The following EYS variants were observed in gnomAD, a reference collection of about 807,000 sequenced individuals.
EYS encodes EGF-like photoreceptor maintenance factor, also known as protein eyes shut homolog.
In EYS, 250 loss-of-function variants were observed where a neutral mutation model predicts 282.1. The ratio of observed to expected loss-of-function variants is 0.89; its 90% CI spans 0.80 to 0.98. The LOEUF is 0.98. EYS is among the 50% of genes least tolerant of loss of function. EYS has a pLI of 0.00. For synonymous variants in EYS, 1,355 were observed against 1,282.9 expected, an observed-to-expected ratio of 1.06 and a Z score of -1.20; for missense variants, 4,016 against 3,709.0, an observed-to-expected ratio of 1.08 and a Z score of -2.15.
intron 22 of EYS, among the ~76,000 whole-genome samples, chr6:64,695,580 C>A (rs952323492): frequency 1.6e-5 from 2 of 128,734 alleles, no homozygotes; most frequent in African/African-American, 2.8e-5. Context: ...TACTTTTTTT[C>A]TTTTAACTTT....
intron 2 of EYS, among the ~76,000 whole-genome samples, chr6:65,509,398 G>A (rs535145682): frequency 1.3e-5 from 2 of 152,208 alleles, no homozygotes; most frequent in East Asian, 1.9e-4. Context: ...CCAATACTTG[G>A]TATGGGTGGT....
chr6:65,694,840 AT>A (rs1166738047), intron 1 of EYS, among the ~76,000 whole-genome samples: 1 of 151,918 alleles, frequency 6.6e-6, no homozygotes, highest in Non-Finnish European at 1.5e-5. Flanking sequence ...AAAAATGTTC[AT>A]TTTCTTCCTT....
intron 35 of EYS, among the ~76,000 whole-genome samples, chr6:63,948,858 T>C (rs1268161159): frequency 3.3e-5 from 5 of 152,144 alleles, no homozygotes; most frequent in African/African-American, 4.8e-5. Flanking sequence ...ATATATAATA[T>C]GTAATACATA....
chr6:65,468,524 T>C (rs1765091076), intron 5 of EYS, among the ~76,000 whole-genome samples: 1 of 152,114 alleles, frequency 6.6e-6, no homozygotes, highest in African/African-American at 2.4e-5. Flanking sequence ...GTTAGTTATT[T>C]AGTTATTTTG....
intron 22 of EYS, among the ~76,000 whole-genome samples, chr6:64,635,401 G>A (rs1446608309): frequency 7.9e-5 from 12 of 152,058 alleles, no homozygotes; most frequent in Admixed American, 5.2e-4. Context: ...GTCTTGTGCC[G>A]GTTTTCAAAG....
At chr6:65,222,990 A>C (rs2150260752) in intron 12 of EYS, among the ~76,000 whole-genome samples, 1 of 152,314 alleles carries the variant, frequency 6.6e-6, no homozygotes, top group Admixed American at 6.5e-5. Flanking sequence ...GAAGTGATTA[A>C]GAGTACAGAC....
At chr6:63,956,854 T>A (rs1200715952) in intron 35 of EYS, among the ~76,000 whole-genome samples, 2 of 151,778 alleles carry the variant, frequency 1.3e-5, no homozygotes, top group Admixed American at 6.6e-5. Context: ...GTGACTAAAA[T>A]TTTTTTTTGG....
chr6:64,557,573 T>C (rs1765271108), intron 26 of EYS, among the ~76,000 whole-genome samples: 1 of 151,974 alleles, frequency 6.6e-6, no homozygotes, highest in South Asian at 2.1e-4. Flanking sequence ...GAAATATATT[T>C]TTAAAAAGGT....
At chr6:64,847,266 GTATGTATATGTATAT>G (rs1413247885) in intron 19 of EYS, among the ~76,000 whole-genome samples, 3 of 151,256 alleles carry the variant, frequency 2.0e-5, no homozygotes, top group Non-Finnish European at 2.9e-5. Context: ...ATCTCTGTGT[GTATGTATATGTATAT>G]TATGTGTGTG....
At chr6:64,941,438 C>A (rs1769087968) in intron 15 of EYS, among the ~76,000 whole-genome samples, 2 of 151,950 alleles carry the variant, frequency 1.3e-5, no homozygotes, top group South Asian at 4.1e-4. Flanking sequence ...ATAGCAATAG[C>A]TACTAAGAAT....
chr6:65,599,425 T>C (rs1398670270), intron 2 of EYS, among the ~76,000 whole-genome samples: 1 of 152,070 alleles, frequency 6.6e-6, no homozygotes, highest in Non-Finnish European at 1.5e-5. Context: ...GGTTATGTTC[T>C]TCATCTTGCT....
intron 5 of EYS, among the ~76,000 whole-genome samples, chr6:65,429,563 C>T (rs1582279897): frequency 6.6e-6 from 1 of 152,262 alleles, no homozygotes; most frequent in South Asian, 2.1e-4. Flanking sequence ...CAAGCACACT[C>T]TAATATCCTT....
At chr6:65,205,030 T>G (rs575013707) in intron 12 of EYS, among the ~76,000 whole-genome samples, 1 of 104,354 alleles carries the variant, frequency 9.6e-6, no homozygotes, top group East Asian at 2.2e-4. Flanking sequence ...TCTAGAAGAA[T>G]ATATTTATAT....
chr6:65,383,189 T>C (rs1050693651), intron 8 of EYS, among the ~76,000 whole-genome samples: 1 of 152,034 alleles, frequency 6.6e-6, no homozygotes, highest in African/African-American at 2.4e-5. Context: ...ATTTTTCTAT[T>C]TCATAAATAT....
chr6:63,857,719 C>A (rs767389496), intron 36 of EYS: 2 of 396,984 alleles, frequency 5.0e-6, no homozygotes, highest in African/African-American at 2.0e-5. Flanking sequence ...TTTTTGCCAT[C>A]CAATGCTTTG....
intron 32 of EYS, among the ~76,000 whole-genome samples, chr6:64,073,257 G>A (rs1373294391): frequency 6.6e-6 from 1 of 151,720 alleles, no homozygotes; most frequent in Non-Finnish European, 1.5e-5. Context: ...TTTTACAAAG[G>A]TCAAAGTGTT....
rs538315758 is a variant in EYS, at chr6:64,003,069, A to G, written c.6726-3886T>C. Among the ~76,000 whole-genome samples the G allele has an allele frequency of 3.3e-5, 5 of 152,352 alleles. No individual in the cohort carries two copies. The South Asian group carries it at 1.0e-3, about 32-fold the overall frequency. On this transcript the variant is annotated intron_variant, in intron 33 of 42. Coordinates refer to ENST00000503581, the MANE Select transcript of EYS (RefSeq NM_001142800.2). ...TTTGGAAGTAACCTAAGTGTTCATC[A>G]ATAGATGAATGGATAAAGAAAATGT...
intron 28 of EYS, among the ~76,000 whole-genome samples, chr6:64,409,461 T>A (rs1182577625): frequency 1.3e-5 from 2 of 152,146 alleles, no homozygotes. Flanking sequence ...TAGAAAAAGG[T>A]GATCCTTGAG....
At chr6:65,346,361 C>T (rs1770392010) in intron 9 of EYS, among the ~76,000 whole-genome samples, 1 of 143,936 alleles carries the variant, frequency 6.9e-6, no homozygotes, top group South Asian at 2.2e-4. Flanking sequence ...ACAAACAAAA[C>T]TATAACATTT....
Sources: gnomAD v4.1 joint callset for allele counts (sites outside exome capture counted in the v4.1 genomes callset) on GRCh38, gnomAD v4.1.1 for gene constraint, MANE v1.5 for transcripts, NCBI Gene and HGNC (gene_info 2026-07-23, HGNC 2026-07-21) for gene names.